ZNF268: variants seen among roughly 807,000 people sequenced by gnomAD.
The protein encoded by ZNF268 is zinc finger protein 268.
In ZNF268, 20 loss-of-function variants were observed where a neutral mutation model predicts 29.3. The observed-to-expected ratio is 0.68, with a 90% CI of 0.48 to 0.99. The LOEUF (loss-of-function observed/expected upper bound fraction) is 0.99, where lower values mean the gene tolerates loss of function less well. ZNF268 is among the 50% of genes least tolerant of loss of function. The probability of loss-of-function intolerance (pLI) is 0.00; values close to 1 mark genes in which losing one functional copy is unlikely to be tolerated. For synonymous variants in ZNF268, 429 were observed against 376.9 expected (o/e 1.14, Z -1.60); for missense variants, 1,240 against 1,121.6 (o/e 1.11, Z -1.51).
At chr12:133,188,228 G>A in intron 3 of ZNF268, 156 bp downstream of exon 3, 1 of 675,604 alleles carries the variant, frequency 1.5e-6, no homozygotes, top group East Asian at 2.7e-5. Context: ...ACAGGGTCTT[G>A]GTCTGTTGCC....
Position 133,204,594 on chromosome 12 carries a change from ACTCTGTAAGTGGAATCAT to A in ZNF268, c.*67_*84del. Reference sequence around the variant, plus strand: ...TAGAAACAATCATATATAAAGAGAAACTCTGTAAGTGGAATCATCTTGTCATCTTCCAGAAAACTCATA... The same window carrying A: ...TAGAAACAATCATATATAAAGAGAAACTTGTCATCTTCCAGAAAACTCATA... On this transcript the variant is annotated 3_prime_UTR_variant, in exon 6 of 6. Transcript: ENST00000536435. 4.1e-6 allele frequency: 5 copies of A among 1,226,924 alleles called. No individual in the cohort carries two copies. Among genetic ancestry groups the A allele is most frequent in the Non-Finnish European group, 5.5e-6 (5 of 910,954 alleles). The allele number at this position is 1,226,924 out of a possible 1,614,324, so 76.0% of individuals were successfully genotyped here.
chr12:133,207,982 A>T lies in ZNF268; in HGVS notation c.*3452A>T, dbSNP rs1956929217. 6.6e-6 allele frequency: 1 copy of T among 152,166 alleles called. No homozygotes were observed. The highest frequency in any genetic ancestry group is 2.1e-4 in the South Asian group (1 of 4,830). 9.4% of individuals were successfully genotyped at this position (152,166 alleles called of 1,614,324 possible). Reference sequence around the variant, plus strand: ...TTGGGAATTAAAATTAACTCCTGTAACTTGGTAGGGAATATATGTTCTGAA... The same window carrying T: ...TTGGGAATTAAAATTAACTCCTGTATCTTGGTAGGGAATATATGTTCTGAA... On this transcript the variant is annotated 3_prime_UTR_variant, in exon 6 of 6. Coordinates refer to ENST00000536435, the MANE Select transcript of ZNF268 (RefSeq NM_003415.3).
Position 133,203,338 on chromosome 12 carries a change from C to T in ZNF268, c.1652C>T (p.Thr551Ile). The T allele has an allele frequency of 6.5e-7, 1 of 1,547,026 alleles. No individual in the cohort carries two copies. The highest frequency in any genetic ancestry group is 1.4e-5 in the African/African-American group (1 of 73,206). ...CTCATTATACATCAGAGGATTCATA[C>T]AGGAGAGAACCCCTATGAATGCCAT... ...SQLIIHQRIH[T>I]GENPYECHEC... is the part of the protein sequence containing the mutation. The change falls in exon 6 of 6, where the codon ACA (threonine) becomes ATA (isoleucine). Residue 551 changes from threonine (T) to isoleucine (I), a missense_variant. Coordinates refer to ENST00000536435, the MANE Select transcript of ZNF268 (RefSeq NM_003415.3).
Position 133,212,484 on chromosome 12 carries a change from TATATATATATATATG to T in ZNF268, c.*7955_*7969del, listed in dbSNP as rs1956998525. On this transcript the variant is annotated 3_prime_UTR_variant, in exon 6 of 6. Coordinates refer to ENST00000536435, the MANE Select transcript of ZNF268 (RefSeq NM_003415.3). ...ATATATATATATATATATATATATATATATATATATATATGTATATATACACACACACATACACAC... is the reference window on the plus strand; with the variant it reads ...ATATATATATATATATATATATATATTATATATACACACACACATACACAC... 5.5e-5 allele frequency: 1 copy of T among 18,278 alleles called. No homozygotes were observed. Among genetic ancestry groups the T allele is most frequent in the African/African-American group, 5.1e-4 (1 of 1,964 alleles). The allele number at this position is 18,278 out of a possible 1,614,324, so 1.1% of individuals were successfully genotyped here. A position where few individuals can be genotyped will look rare whatever the true frequency, so the allele number is the denominator to read the frequency against.
rs193059324 is a variant in ZNF268 at position 133,188,638 on chromosome 12, T to A, written c.234+566T>A. ...TGTGTTTTATGTGTATCCTTTTTTTTAAAAAATGTGTGTTTACGTAATATG... is the reference window on the plus strand; with the variant it reads ...TGTGTTTTATGTGTATCCTTTTTTTAAAAAAATGTGTGTTTACGTAATATG... On this transcript the variant is annotated intron_variant, in intron 3 of 5. Coordinates refer to ENST00000536435, the MANE Select transcript of ZNF268 (RefSeq NM_003415.3). Among the ~76,000 whole-genome samples the A allele has an allele frequency of 2.2e-3, 338 of 152,290 alleles. 1 individual carries two copies. The highest frequency in any genetic ancestry group is 6.9e-3 in the East Asian group (36 of 5,188).
rs777533088 is a variant in ZNF268 at position 133,187,962 on chromosome 12, C to A, written c.124C>A (p.Leu42Met). ...ESILGQGTPGLQPLPGTPRQK... is the reference protein window; with the variant it reads ...ESILGQGTPGMQPLPGTPRQK... ...CATCTTGGGCCAAGGGACTCCTGGT[C>A]TGCAACCTCTCCCTGGAACACCCAG... Residue 42 changes from leucine (L) to methionine (M), a missense_variant, in exon 3 of 6, where the codon CTG (leucine) becomes ATG (methionine). Coordinates refer to ENST00000536435, the MANE Select transcript of ZNF268 (RefSeq NM_003415.3). The A allele has an allele frequency of 1.3e-6, 2 of 1,599,414 alleles. No homozygotes were observed.
At chr12:133,192,144 G>A in intron 5 of ZNF268, 141 bp downstream of exon 5, 1 of 623,986 alleles carries the variant, frequency 1.6e-6, no homozygotes, top group Non-Finnish European at 2.5e-6. Flanking sequence ...GTTTCACTTT[G>A]TTGCCCAGGC....
rs996407431 is a variant in ZNF268, at chr12:133,204,194, T to C, written c.2508T>C (p.Tyr836=). ...GAACTCATGCAGGGGTCAACCCTTA[T>C]AAATGCAGTCAATGTGAGAAATCCT... ...HERTHAGVNP[Y]KCSQCEKSFS... The change falls in exon 6 of 6, where the codon TAT becomes TAC. Residue 836 remains tyrosine (Y), a synonymous_variant. Coordinates refer to ENST00000536435, the MANE Select transcript of ZNF268 (RefSeq NM_003415.3). 1.9e-6 allele frequency: 3 copies of C among 1,540,642 alleles called. No individual in the cohort carries two copies. The highest frequency in any genetic ancestry group is 2.4e-5 in the East Asian group (1 of 40,894).
chr12:133,192,142 T>G (rs2135499116), intron 5 of ZNF268, 139 bp downstream of exon 5: 2 of 662,448 alleles, frequency 3.0e-6, no homozygotes, highest in African/African-American at 3.7e-5. Flanking sequence ...GAGTTTCACT[T>G]TGTTGCCCAG....
chr12:133,195,254 G>A (rs1956566043), intron 5 of ZNF268, among the ~76,000 whole-genome samples: 1 of 152,204 alleles, frequency 6.6e-6, no homozygotes, highest in African/African-American at 2.4e-5. Context: ...TGGCTTTTCT[G>A]TAGCTTCAGA....
Position 133,210,025 on chromosome 12 carries a change from G to A in ZNF268, c.*5495G>A, listed in dbSNP as rs535019378. On this transcript the variant is annotated 3_prime_UTR_variant, in exon 6 of 6. Transcript: ENST00000536435. ...GTTGGGCTTGCTATAAAGATGACTA[G>A]TGGAAACCTCAATAGAGGTACGATT... is the stretch of plus-strand genomic sequence containing the variant. 1 of 152,320 alleles carries A rather than the reference G, an allele frequency of 6.6e-6. No homozygotes were observed. Among genetic ancestry groups the A allele is most frequent in the Admixed American group, 6.5e-5 (1 of 15,300 alleles). The allele number at this position is 152,320 out of a possible 1,614,324, so 9.4% of individuals were successfully genotyped here.
At position 133,204,495 on chromosome 12, in the gene ZNF268, A is replaced by G. The variant is rs1483019818; in HGVS notation, c.2809A>G (p.Met937Val). The part of the protein sequence containing the change: ...KAFCWKSQLI[M>V]HQRTHVDDKH The stretch of plus-strand genomic sequence containing the variant: ...CTTTTGTTGGAAGTCACAGCTCATT[A>G]TGCATCAGAGAACTCATGTAGATGA... Residue 937 changes from methionine (M) to valine (V), a missense_variant, in exon 6 of 6, where the codon ATG becomes GTG. Physicochemically the swap from Met to Val is conservative, Grantham distance 21 (BLOSUM62 1). Around this residue, in one of 3 missense-constraint regions of ZNF268, gnomAD observed 1,177 missense variants for 1,039.6 expected, o/e 1.13. Transcript: ENST00000536435. 2 of 1,534,960 alleles carry G rather than the reference A, an allele frequency of 1.3e-6. No homozygotes were observed. Among genetic ancestry groups the G allele is most frequent in the Non-Finnish European group, 1.7e-6 (2 of 1,146,514 alleles).
chr12:133,191,332 A>AT, intron 3 of ZNF268, 157 bp from the exon 4 acceptor site: 6 of 776,772 alleles, frequency 7.7e-6, no homozygotes, highest in Non-Finnish European at 9.9e-6. Flanking sequence ...AAAAAAAAAA[A>AT]GAAAGAAAGA....
In ZNF268 at chr12:133,194,528, C is replaced by T. The variant is rs1375877425; in HGVS notation, c.457+2525C>T. Among the ~76,000 whole-genome samples, 9 of 152,258 alleles carry T rather than the reference C, an allele frequency of 5.9e-5. No individual in the cohort carries two copies. The East Asian group carries it at 1.5e-3, about 26-fold the overall frequency. Reference sequence around the variant, plus strand: ...ATAAAAAGGGCTGTTTCTTCACACACGAGTCTGTCAGACAGGAAAACTCAT... The same window carrying T: ...ATAAAAAGGGCTGTTTCTTCACACATGAGTCTGTCAGACAGGAAAACTCAT... On this transcript the variant is annotated intron_variant, in intron 5 of 5. Coordinates refer to ENST00000536435, the MANE Select transcript of ZNF268 (RefSeq NM_003415.3).
Position 133,204,011 on chromosome 12 carries a change from AG to A in ZNF268, c.2329del (p.Glu777LysfsTer19). 1 of 1,578,544 alleles carries A rather than the reference AG, an allele frequency of 6.3e-7. No homozygotes were observed. The highest frequency in any genetic ancestry group is 8.6e-7 in the Non-Finnish European group (1 of 1,164,854). On this transcript the variant is annotated frameshift_variant, in exon 6 of 6. Coordinates refer to ENST00000536435, the MANE Select transcript of ZNF268 (RefSeq NM_003415.3). LOFTEE classifies it low-confidence loss of function (END_TRUNC). ...QLISHQRTHA[G>X]EKPYGCSECG... ...TCATTTCACATCAGCGAACTCATGC[AG>A]GGGAAAAGCCTTATGGGTGCAGTGA...
At chr12:133,182,067 C>T (rs1292730587) in intron 2 of ZNF268, 37 bp downstream of exon 2, 26 of 1,550,832 alleles carry the variant, frequency 1.7e-5, no homozygotes, top group Non-Finnish European at 2.2e-5. Flanking sequence ...GAAAAGCTCT[C>T]CCTGAATGCC....
At chr12:133,193,782 C>T (rs1390935023) in intron 5 of ZNF268, among the ~76,000 whole-genome samples, 1 of 152,152 alleles carries the variant, frequency 6.6e-6, no homozygotes, top group Non-Finnish European at 1.5e-5. Flanking sequence ...TTTATCTGCC[C>T]TTTGGTCCTG....
At chr12:133,192,284 T>A (rs1956495729) in intron 5 of ZNF268, among the ~76,000 whole-genome samples, 1 of 152,008 alleles carries the variant, frequency 6.6e-6, no homozygotes, top group Non-Finnish European at 1.5e-5. Context: ...ATTTTTGTAT[T>A]TTTAGTAGAG....
chr12:133,185,170 T>G, intron 2 of ZNF268, among the ~76,000 whole-genome samples: 1 of 136,360 alleles, frequency 7.3e-6, no homozygotes. Context: ...GGCGACAGAG[T>G]GAGACTCTGT....
Sources: gnomAD v4.1 joint callset for allele counts (sites outside exome capture counted in the v4.1 genomes callset) on GRCh38, gnomAD v4.1.1 for gene constraint, gnomAD v4.1.1 regional missense constraint, MANE v1.5 for transcripts, NCBI Gene and HGNC (gene_info 2026-07-23, HGNC 2026-07-21) for gene names.